HIVEP1: variants seen among roughly 807,000 people sequenced by gnomAD.
The protein encoded by HIVEP1 is zinc finger protein 40.
In HIVEP1, 36 loss-of-function variants were observed where a neutral mutation model predicts 180.0. The observed-to-expected ratio is 0.20, with a 90% CI of 0.15 to 0.26. The LOEUF is 0.26. HIVEP1 is among the 10% of genes least tolerant of loss of function. The probability of loss-of-function intolerance (pLI) is 1.00; values close to 1 mark genes in which losing one functional copy is unlikely to be tolerated. For missense variants in HIVEP1, 3,143 were observed against 3,268.7 expected (o/e 0.96, Z 0.94); for synonymous variants, 1,239 against 1,239.0 (o/e 1.00, Z 0.00).
At chr6:12,022,264 A>G (rs1768281751) in intron 2 of HIVEP1, among the ~76,000 whole-genome samples, 6 of 151,460 alleles carry the variant, frequency 4.0e-5, no homozygotes, top group Admixed American at 3.9e-4. Flanking sequence ...TCCACTCTCC[A>G]GGTTCAAATG....
At chr6:12,107,822 C>T (rs989710612) in intron 3 of HIVEP1, among the ~76,000 whole-genome samples, 4 of 152,186 alleles carry the variant, frequency 2.6e-5, no homozygotes, top group Non-Finnish European at 5.9e-5. Context: ...TTATCTGGCC[C>T]CACCCACATC....
At chr6:12,159,008 T>C (rs934138093) in intron 7 of HIVEP1, among the ~76,000 whole-genome samples, 1 of 152,146 alleles carries the variant, frequency 6.6e-6, no homozygotes, top group Admixed American at 6.5e-5. Flanking sequence ...TTTCACACAA[T>C]CTTGGCAGCC....
chr6:12,049,291 G>C (rs112354679), intron 2 of HIVEP1, among the ~76,000 whole-genome samples: 3 of 152,262 alleles, frequency 2.0e-5, no homozygotes, highest in African/African-American at 7.2e-5. Context: ...AGGCCCCCTC[G>C]TGAGCAGCCT....
At chr6:12,073,070 GAA>G in intron 2 of HIVEP1, among the ~76,000 whole-genome samples, 1 of 152,276 alleles carries the variant, frequency 6.6e-6, no homozygotes, top group African/African-American at 2.4e-5. Context: ...ATCTGCATCT[GAA>G]GATTATCATG....
Position 12,164,426 on chromosome 6 carries a change from G to A in HIVEP1, c.8122G>A (p.Asp2708Asn). The change falls in exon 9 of 9, where the codon GAT becomes AAT. Residue 2708 changes from aspartate (D) to asparagine (N), a missense_variant. Coordinates refer to ENST00000379388, the MANE Select transcript of HIVEP1 (RefSeq NM_002114.4). ...TGTGCACTTCAGCGACGTGAGCAGC[G>A]ATGATGACGAGGACAGGCTTGTGAT... The part of the protein sequence containing the change: ...PTVHFSDVSS[D>N]DDEDRLVIAT 1.9e-6 allele frequency: 3 copies of A among 1,612,810 alleles called. No individual in the cohort carries two copies. Among genetic ancestry groups the A allele is most frequent in the Non-Finnish European group, 2.5e-6 (3 of 1,179,630 alleles).
chr6:12,130,265 ATTATAG>A (rs558392073), intron 5 of HIVEP1, among the ~76,000 whole-genome samples: 150 of 152,398 alleles, frequency 9.8e-4, no homozygotes, highest in African/African-American at 3.4e-3. Context: ...ATAAAAGCCA[ATTATAG>A]TTATAGTAAA....
intron 2 of HIVEP1, among the ~76,000 whole-genome samples, chr6:12,029,097 G>A (rs190571337): frequency 6.6e-6 from 1 of 152,174 alleles, no homozygotes; most frequent in East Asian, 1.9e-4. Flanking sequence ...TCATTCACTC[G>A]TTTGATGGAC....
At chr6:12,056,134 A>T (rs1312686360) in intron 2 of HIVEP1, among the ~76,000 whole-genome samples, 4 of 152,152 alleles carry the variant, frequency 2.6e-5, no homozygotes, top group Admixed American at 2.6e-4. Context: ...AAAAAGATTA[A>T]TGAAGAAGCG....
intron 2 of HIVEP1, among the ~76,000 whole-genome samples, chr6:12,079,080 A>C (rs192350548): frequency 7.2e-4 from 109 of 152,198 alleles, no homozygotes; most frequent in African/African-American, 2.5e-3. Context: ...ACCTCCTTCC[A>C]TTCGCTACAT....
intron 2 of HIVEP1, among the ~76,000 whole-genome samples, chr6:12,040,466 T>C (rs990381295): frequency 7.2e-5 from 11 of 152,194 alleles, no homozygotes; most frequent in Non-Finnish European, 2.9e-5. Flanking sequence ...ATCTAAATTA[T>C]CTGTAGATTT....
chr6:12,079,267 A>G (rs1488574108), intron 2 of HIVEP1, among the ~76,000 whole-genome samples: 1 of 152,164 alleles, frequency 6.6e-6, no homozygotes, highest in Non-Finnish European at 1.5e-5. Context: ...ATATTTAAAT[A>G]GTTTTTGTAT....
chr6:12,166,265 T>C (rs1408491051), downstream of HIVEP1, among the ~76,000 whole-genome samples: 1 of 152,206 alleles, frequency 6.6e-6, no homozygotes, highest in East Asian at 1.9e-4. Flanking sequence ...TACAGATGAC[T>C]TCTCTAAATT....
downstream of HIVEP1, among the ~76,000 whole-genome samples, chr6:12,168,026 G>A (rs1199739862): frequency 1.6e-3 from 57 of 35,640 alleles, 7 homozygotes; most frequent in African/African-American, 7.2e-3. Flanking sequence ...ATGTATATAT[G>A]TATATATTAT....
chr6:12,113,918 G>A (rs564270333), intron 3 of HIVEP1, among the ~76,000 whole-genome samples: 1 of 152,252 alleles, frequency 6.6e-6, no homozygotes, highest in African/African-American at 2.4e-5. Context: ...GAGTATACCT[G>A]TTTATCACAC....
chr6:12,074,633 T>TGC, intron 2 of HIVEP1, among the ~76,000 whole-genome samples: 1 of 148,924 alleles, frequency 6.7e-6, no homozygotes, highest in Non-Finnish European at 1.5e-5. Flanking sequence ...TGTGTGTGTG[T>TGC]GTGTGTGTGT....
At chr6:12,199,408 C>T in the HIVEP1 span, among the ~76,000 whole-genome samples, 2 of 141,950 alleles carry the variant, frequency 1.4e-5, no homozygotes, top group African/African-American at 5.3e-5. Flanking sequence ...GCTGCCCAGG[C>T]TGGAGGACAA....
the HIVEP1 span, among the ~76,000 whole-genome samples, chr6:12,203,840 G>A: frequency 1.3e-5 from 2 of 152,174 alleles, no homozygotes; most frequent in African/African-American, 2.4e-5. Flanking sequence ...ACTTTGGGGG[G>A]CCAAGGCAAG....
the HIVEP1 span, among the ~76,000 whole-genome samples, chr6:12,186,177 G>C: frequency 6.6e-6 from 1 of 151,920 alleles, no homozygotes; most frequent in African/African-American, 2.4e-5. Context: ...AACAAAATGT[G>C]TGTATCCATA....
At chr6:12,200,360 C>T in the HIVEP1 span, among the ~76,000 whole-genome samples, 1 of 152,250 alleles carries the variant, frequency 6.6e-6, no homozygotes, top group Non-Finnish European at 1.5e-5. Context: ...CTGCCCTGAA[C>T]TGCTACTATC....
Sources: allele counts gnomAD v4.1 joint callset (sites outside exome capture counted in the v4.1 genomes callset), GRCh38; gene constraint gnomAD v4.1.1; transcripts MANE v1.5; gene names NCBI Gene and HGNC (gene_info 2026-07-23, HGNC 2026-07-21).